DYNC1I1: variants seen among roughly 807,000 people sequenced by gnomAD.
DYNC1I1 encodes the protein cytoplasmic dynein 1 intermediate chain 1.
In DYNC1I1, 43 loss-of-function variants were observed where a neutral mutation model predicts 86.6. The ratio of observed to expected loss-of-function variants is 0.50; its 90% confidence interval spans 0.39 to 0.64. The LOEUF is 0.64. Among genes scored for constraint, DYNC1I1 ranks in the 30% least tolerant of loss-of-function variants. DYNC1I1 has a pLI of 0.00. For synonymous variants in DYNC1I1, 262 were observed against 283.7 expected, an observed-to-expected ratio of 0.92 and a Z score of 0.77; for missense variants, 604 against 788.8, an observed-to-expected ratio of 0.77 and a Z score of 2.81.
intron 6 of DYNC1I1, among the ~76,000 whole-genome samples, chr7:95,957,884 G>C (rs1454630943): frequency 6.6e-6 from 1 of 152,160 alleles, no homozygotes; most frequent in Non-Finnish European, 1.5e-5. Flanking sequence ...CACCACTCAC[G>C]AGAGCCTTCA....
chr7:96,110,023 A>G (rs1281361367), exon 17 of DYNC1I1: 1 of 419,526 alleles, frequency 2.4e-6, no homozygotes, highest in Non-Finnish European at 4.7e-6. Flanking sequence ...CCTGGACTCA[A>G]GCAATCCTCC....
rs529239611 is a variant in DYNC1I1 at position 96,064,247 on chromosome 7, T to C, written c.1510-11810T>C. Among the ~76,000 whole-genome samples the C allele has an allele frequency of 1.3e-4, 19 of 140,886 alleles. No individual in the cohort carries two copies. In the South Asian group the frequency reaches 3.4e-3, roughly 25 times the overall value. The allele number at this position is 140,886 out of a possible 152,430, so 92.4% of individuals were successfully genotyped here. ...CTCTCTCTCTCTCTCTCTCTCTCTCTCCCTCTCTCAGTGTCTCTCCAATTG... is the reference window on the plus strand; with the variant it reads ...CTCTCTCTCTCTCTCTCTCTCTCTCCCCCTCTCTCAGTGTCTCTCCAATTG... On this transcript the variant is annotated intron_variant, in intron 14 of 16. Coordinates refer to ENST00000447467, the MANE Select transcript of DYNC1I1 (RefSeq NM_001135556.2).
At chr7:95,776,450 G>A (rs1793842960) in intron 1 of DYNC1I1, among the ~76,000 whole-genome samples, 1 of 152,162 alleles carries the variant, frequency 6.6e-6, no homozygotes, top group African/African-American at 2.4e-5. Context: ...ATGGTTTTCA[G>A]ATGGTCATTG....
At chr7:96,072,396 A>G (rs1229561892) in intron 14 of DYNC1I1, among the ~76,000 whole-genome samples, 1 of 152,208 alleles carries the variant, frequency 6.6e-6, no homozygotes, top group African/African-American at 2.4e-5. Flanking sequence ...GATACTGAAC[A>G]TGACATAGAA....
chr7:95,965,813 A>G (rs945361504), intron 6 of DYNC1I1, among the ~76,000 whole-genome samples: 5 of 152,154 alleles, frequency 3.3e-5, no homozygotes, highest in Non-Finnish European at 7.4e-5. Flanking sequence ...TCAACCCAAA[A>G]TTACTTATGC....
intron 6 of DYNC1I1, among the ~76,000 whole-genome samples, chr7:95,945,076 T>A (rs1031028336): frequency 2.0e-5 from 3 of 151,260 alleles, no homozygotes; most frequent in African/African-American, 7.3e-5. Flanking sequence ...ATAAAAAAAT[T>A]AAAATAAAAT....
intron 5 of DYNC1I1, among the ~76,000 whole-genome samples, chr7:95,855,617 G>C (rs140140936): frequency 2.6e-5 from 4 of 152,154 alleles, no homozygotes; most frequent in Admixed American, 6.5e-5. Flanking sequence ...AAGCGTTGAT[G>C]GAATATATCC....
At chr7:96,002,116 C>T (rs1217549274) in intron 10 of DYNC1I1, among the ~76,000 whole-genome samples, 5 of 152,158 alleles carry the variant, frequency 3.3e-5, no homozygotes, top group Non-Finnish European at 2.9e-5. Context: ...CAGGCCCTCA[C>T]AGCAGTGATA....
At chr7:95,899,106 C>A (rs1369966767) in intron 6 of DYNC1I1, among the ~76,000 whole-genome samples, 1 of 152,016 alleles carries the variant, frequency 6.6e-6, no homozygotes, top group Admixed American at 6.6e-5. Flanking sequence ...AAGTCTCAGA[C>A]CTTGTTTTGA....
chr7:96,055,185 G>A (rs182559888), intron 14 of DYNC1I1, among the ~76,000 whole-genome samples: 2 of 152,024 alleles, frequency 1.3e-5, no homozygotes, highest in East Asian at 1.9e-4. Context: ...TTTGCATATG[G>A]CTAGCTAGTT....
At chr7:96,042,940 T>C (rs1789096956) in intron 14 of DYNC1I1, among the ~76,000 whole-genome samples, 1 of 151,948 alleles carries the variant, frequency 6.6e-6, no homozygotes, top group African/African-American at 2.4e-5. Context: ...GGCGGGTGGA[T>C]CACGAGGTCA....
intron 1 of DYNC1I1, 28 bp downstream of exon 1, chr7:95,772,801 C>G (rs1793737449): frequency 1.3e-5 from 2 of 152,290 alleles, no homozygotes; most frequent in Non-Finnish European, 2.9e-5. Flanking sequence ...GTCGCCGCTC[C>G]CCGGACGGCC....
intron 1 of DYNC1I1, chr7:95,804,313 T>G (rs1232929862): frequency 1.6e-6 from 2 of 1,239,842 alleles, no homozygotes; most frequent in African/African-American, 3.2e-5. Context: ...ACAGGCTGTT[T>G]TCTTTTCTCA....
chr7:95,812,328 G>C (rs573382455), intron 3 of DYNC1I1, among the ~76,000 whole-genome samples: 1 of 152,172 alleles, frequency 6.6e-6, no homozygotes, highest in Non-Finnish European at 1.5e-5. Flanking sequence ...GAATTGCCTG[G>C]CCTGGAGCCA....
At chr7:95,830,258 G>T (rs1795291508) in intron 5 of DYNC1I1, among the ~76,000 whole-genome samples, 1 of 152,026 alleles carries the variant, frequency 6.6e-6, no homozygotes, top group African/African-American at 2.4e-5. Flanking sequence ...TCAAATTGAT[G>T]ATTTTTGACA....
intron 6 of DYNC1I1, among the ~76,000 whole-genome samples, chr7:95,951,059 C>T (rs1276071044): frequency 6.6e-6 from 1 of 152,124 alleles, no homozygotes; most frequent in Non-Finnish European, 1.5e-5. Flanking sequence ...ATGATTATAC[C>T]ATTAAAGTTT....
At chr7:96,100,421 CCTT>C (rs375328806), downstream of DYNC1I1, among the ~76,000 whole-genome samples, 16 of 151,834 alleles carry the variant, frequency 1.1e-4, no homozygotes, top group African/African-American at 3.4e-4. Flanking sequence ...TTCCCTCTCT[CCTT>C]CTTGAGGCCT....
At chr7:96,071,577 C>A (rs1026932042) in intron 14 of DYNC1I1, among the ~76,000 whole-genome samples, 11 of 152,138 alleles carry the variant, frequency 7.2e-5, no homozygotes, top group South Asian at 2.1e-4. Flanking sequence ...AGGTCTTTAC[C>A]TTCTGACATC....
intron 10 of DYNC1I1, among the ~76,000 whole-genome samples, chr7:96,002,230 G>C (rs1794029632): frequency 6.6e-6 from 1 of 152,004 alleles, no homozygotes; most frequent in Admixed American, 6.6e-5. Context: ...TATTTCTATT[G>C]CCTAGGCCCT....
Sources: gnomAD v4.1 joint callset for allele counts (sites outside exome capture counted in the v4.1 genomes callset) on GRCh38, gnomAD v4.1.1 for gene constraint, MANE v1.5 for transcripts, NCBI Gene and HGNC (gene_info 2026-07-23, HGNC 2026-07-21) for gene names.